The following EGFR variants were observed in gnomAD, a reference collection of about 807,000 sequenced individuals.
EGFR encodes avian erythroblastic leukemia viral (v-erb-b) oncogene homolog.
EGFR carries 58 observed loss-of-function variants against 143.0 expected under a neutral mutation model. The ratio of observed to expected loss-of-function variants is 0.41; its 90% CI spans 0.33 to 0.50. EGFR has a LOEUF of 0.50. Among genes scored for constraint, EGFR ranks in the 20% least tolerant of loss-of-function variants. EGFR has a pLI of 0.39. For missense variants in EGFR, 1,307 were observed against 1,579.0 expected (o/e 0.83, Z 2.92); for synonymous variants, 613 against 594.4 (o/e 1.03, Z -0.45).
chr7:55,085,499 A>T (rs981911980), intron 1 of EGFR, among the ~76,000 whole-genome samples: 12 of 152,236 alleles, frequency 7.9e-5, no homozygotes, highest in African/African-American at 2.7e-4. Flanking sequence ...CCATGAGATG[A>T]GGAGTGTTCT....
intron 1 of EGFR, among the ~76,000 whole-genome samples, chr7:55,105,783 G>C (rs903842523): frequency 4.6e-5 from 7 of 152,192 alleles, no homozygotes; most frequent in African/African-American, 1.7e-4. Flanking sequence ...ATTAACCATT[G>C]TTCCAAATGC....
chr7:55,211,443 T>G lies in EGFR; in HGVS notation c.*5826T>G, dbSNP rs1788233972. ...TTCAACATATGGTACGTTTTAACCT[T>G]GAAAGTTTTGCAATGATGAAAGCAG... On this transcript the variant is annotated 3_prime_UTR_variant, in exon 28 of 28. Coordinates refer to ENST00000275493, the MANE Select transcript of EGFR (RefSeq NM_005228.5). 1 of 152,328 alleles carries G rather than the reference T, an allele frequency of 6.6e-6. No homozygotes were observed. Among genetic ancestry groups the G allele is most frequent in the Non-Finnish European group, 1.5e-5 (1 of 68,012 alleles). 9.4% of individuals were successfully genotyped at this position (152,328 alleles called of 1,614,324 possible).
chr7:55,026,595 G>T (rs1247051381), intron 1 of EGFR, among the ~76,000 whole-genome samples: 1 of 152,132 alleles, frequency 6.6e-6, no homozygotes, highest in African/African-American at 2.4e-5. Context: ...CTAGTCCCGA[G>T]ATAACCCCCC....
rs542275620 is a variant in EGFR at position 55,099,016 on chromosome 7, A to G, written c.89-43270A>G. Among the ~76,000 whole-genome samples, 4 of 152,328 alleles carry G rather than the reference A, an allele frequency of 2.6e-5. No homozygotes were observed. In the South Asian group the frequency reaches 8.3e-4, roughly 32 times the overall value. ...AGAACCTGGCCTCTGGCAGCTCTTC[A>G]TAAACGTCCATGTTTTCCCTCTACT... is the stretch of plus-strand genomic sequence containing the variant. On this transcript the variant is annotated intron_variant, in intron 1 of 27. Coordinates refer to ENST00000275493, the MANE Select transcript of EGFR (RefSeq NM_005228.5).
rs943068563 is a variant in EGFR, at chr7:55,094,508, A to G, written c.89-47778A>G. ...TCCACAGATTTTTGGAGAGTCCTTGAGTTGGAGATTACAGGTGACCTCAGA... is the reference window on the plus strand; with the variant it reads ...TCCACAGATTTTTGGAGAGTCCTTGGGTTGGAGATTACAGGTGACCTCAGA... On this transcript the variant is annotated intron_variant, in intron 1 of 27. Transcript: ENST00000275493. Among the ~76,000 whole-genome samples, 244 of 152,312 alleles carry G rather than the reference A, an allele frequency of 1.6e-3. 2 individuals carry two copies. Among genetic ancestry groups the G allele is most frequent in the Non-Finnish European group, 5.6e-4 (38 of 68,020 alleles).
chr7:55,053,815 C>A (rs563576999), intron 1 of EGFR, among the ~76,000 whole-genome samples: 1 of 152,360 alleles, frequency 6.6e-6, no homozygotes, highest in South Asian at 2.1e-4. Flanking sequence ...CCAGCCATTC[C>A]TTTCAGTGAA....
intron 1 of EGFR, among the ~76,000 whole-genome samples, chr7:55,079,518 A>C (rs889391791): frequency 1.3e-5 from 2 of 152,176 alleles, no homozygotes; most frequent in South Asian, 4.1e-4. Context: ...GATGGTTGAG[A>C]CAGGCACGCA....
chr7:55,073,146 A>C (rs1789930551), intron 1 of EGFR, among the ~76,000 whole-genome samples: 1 of 152,206 alleles, frequency 6.6e-6, no homozygotes, highest in East Asian at 1.9e-4. Flanking sequence ...CCATTTAGTC[A>C]TCTGTGATTT....
chr7:55,110,550 T>TA (rs1474096802), intron 1 of EGFR, among the ~76,000 whole-genome samples: 1 of 152,206 alleles, frequency 6.6e-6, no homozygotes, highest in Non-Finnish European at 1.5e-5. Flanking sequence ...TTAAATGTCT[T>TA]ACGATCATTA....
At chr7:55,131,362 A>G (rs1793822544) in intron 1 of EGFR, among the ~76,000 whole-genome samples, 1 of 151,640 alleles carries the variant, frequency 6.6e-6, no homozygotes, top group Non-Finnish European at 1.5e-5. Context: ...TGCTGACAAC[A>G]TGACATGTTT....
chr7:55,123,598 C>T (rs1174370181), intron 1 of EGFR, among the ~76,000 whole-genome samples: 1 of 152,084 alleles, frequency 6.6e-6, no homozygotes, highest in East Asian at 1.9e-4. Flanking sequence ...CTGGCAGCAG[C>T]TTGAGGGTCT....
intron 19 of EGFR, among the ~76,000 whole-genome samples, chr7:55,176,899 A>C (rs1379302884): frequency 2.0e-5 from 3 of 147,280 alleles, no homozygotes; most frequent in Non-Finnish European, 4.5e-5. Context: ...AGAGATATAT[A>C]TCTCTAAATA....
intron 15 of EGFR, chr7:55,168,480 A>ATGTT (rs1562779412): frequency 1.8e-6 from 2 of 1,118,544 alleles, no homozygotes; most frequent in Non-Finnish European, 2.7e-6. Flanking sequence ...TAAATTAAAA[A>ATGTT]TGTTAGTGGT....
intron 20 of EGFR, among the ~76,000 whole-genome samples, chr7:55,185,591 C>T: frequency 6.6e-6 from 1 of 152,252 alleles, no homozygotes; most frequent in East Asian, 1.9e-4. Flanking sequence ...TTCTTCCAAA[C>T]TATTTGGACA....
At chr7:55,022,718 A>G (rs756808356) in intron 1 of EGFR, among the ~76,000 whole-genome samples, 19 of 152,250 alleles carry the variant, frequency 1.2e-4, no homozygotes, top group Non-Finnish European at 2.8e-4. Flanking sequence ...CACAGAATAC[A>G]AGAAACTGGC....
intron 1 of EGFR, among the ~76,000 whole-genome samples, chr7:55,088,833 C>T (rs144575906): frequency 6.6e-6 from 1 of 152,220 alleles, no homozygotes; most frequent in Non-Finnish European, 1.5e-5. Flanking sequence ...ACTGGCCATC[C>T]AGCCTCCCTG....
intron 20 of EGFR, 56 bp from the exon 21 acceptor site, chr7:55,191,663 G>A (rs2128964230): frequency 6.2e-7 from 1 of 1,609,532 alleles, no homozygotes; most frequent in Non-Finnish European, 8.5e-7. Flanking sequence ...GAATTCGGAT[G>A]CAGAGCTTCT....
At chr7:55,093,609 A>G (rs1176923584) in intron 1 of EGFR, among the ~76,000 whole-genome samples, 2 of 152,204 alleles carry the variant, frequency 1.3e-5, no homozygotes, top group African/African-American at 4.8e-5. Flanking sequence ...TCTTTCATAG[A>G]AATGGTCATT....
chr7:55,205,334 C>A lies in EGFR; in HGVS notation c.3350C>A (p.Pro1117His), dbSNP rs1442620290. The change falls in exon 28 of 28, where the codon CCC (proline) becomes CAC (histidine). Residue 1117 changes from proline to histidine, a missense_variant. Physicochemically the swap from Pro to His is moderately conservative, Grantham distance 77. Transcript: ENST00000275493. ...NPVYHNQPLN[P>H]APSRDPHYQD... The stretch of plus-strand genomic sequence containing the variant: ...GTCTATCACAATCAGCCTCTGAACC[C>A]CGCGCCCAGCAGAGACCCACACTAC... 1 of 1,611,680 alleles carries A rather than the reference C, an allele frequency of 6.2e-7. No individual in the cohort carries two copies. Among genetic ancestry groups the A allele is most frequent in the South Asian group, 1.1e-5 (1 of 90,786 alleles).
Sources: allele counts gnomAD v4.1 joint callset (sites outside exome capture counted in the v4.1 genomes callset), GRCh38; gene constraint gnomAD v4.1.1; transcripts MANE v1.5; gene names NCBI Gene and HGNC (gene_info 2026-07-23, HGNC 2026-07-21).